Variants in VOPP1 observed in about 807,000 individuals in gnomAD.
VOPP1 encodes WW domain binding protein VOPP1.
VOPP1 carries 8 observed loss-of-function variants against 23.5 expected under a neutral mutation model. The ratio of observed to expected loss-of-function variants is 0.34; its 90% CI spans 0.20 to 0.61. The LOEUF (loss-of-function observed/expected upper bound fraction) is 0.61, where lower values mean the gene tolerates loss of function less well. Among genes scored for constraint, VOPP1 ranks in the 20% least tolerant of loss-of-function variants. The pLI is 0.78. For synonymous variants in VOPP1, 83 were observed against 97.3 expected (o/e 0.85, Z 0.86); for missense variants, 174 against 238.1 (o/e 0.73, Z 1.77).
intron 1 of VOPP1, among the ~76,000 whole-genome samples, chr7:55,564,392 A>T (rs543433646): frequency 2.9e-4 from 44 of 152,224 alleles, no homozygotes; most frequent in Admixed American, 2.4e-3. Flanking sequence ...AAACACCAAG[A>T]GAATGAGGCC....
At chr7:55,459,506 G>A (rs113161072) in intron 4 of VOPP1, among the ~76,000 whole-genome samples, 1,830 of 152,128 alleles carry the variant, frequency 0.012, 13 homozygotes, top group Admixed American at 0.021. Context: ...CCACTACTGG[G>A]CTTCTCTTTG....
chr7:55,473,189 G>A (rs1002717351), intron 4 of VOPP1, 144 bp from the exon 5 acceptor site: 54 of 1,309,652 alleles, frequency 4.1e-5, no homozygotes, highest in Non-Finnish European at 5.4e-5. Flanking sequence ...CGGTGAGGGG[G>A]CACCTGGGCT....
intron 1 of VOPP1, chr7:55,538,606 T>C (rs1404920241): frequency 4.6e-6 from 7 of 1,535,726 alleles, no homozygotes; most frequent in East Asian, 2.4e-5. Context: ...AATCCATCTA[T>C]ACAAACCTGC....
intron 4 of VOPP1, among the ~76,000 whole-genome samples, chr7:55,482,246 C>T (rs1399806471): frequency 6.6e-6 from 1 of 152,008 alleles, no homozygotes; most frequent in Non-Finnish European, 1.5e-5. Flanking sequence ...TCTTCTTCCA[C>T]TGTATAACGC....
chr7:55,481,261 C>T (rs2129013076), intron 4 of VOPP1, among the ~76,000 whole-genome samples: 1 of 152,292 alleles, frequency 6.6e-6, no homozygotes, highest in African/African-American at 2.4e-5. Context: ...AGGCCAGAGC[C>T]CGCTGGGCAG....
chr7:55,571,887 G>T, intron 1 of VOPP1: 1 of 184,128 alleles, frequency 5.4e-6, no homozygotes, highest in Non-Finnish European at 1.1e-5. Context: ...CTCCGCGCCT[G>T]CGCCGCGCCC....
intron 1 of VOPP1, among the ~76,000 whole-genome samples, chr7:55,532,348 T>A (rs910618336): frequency 1.3e-5 from 2 of 152,128 alleles, no homozygotes; most frequent in African/African-American, 4.8e-5. Flanking sequence ...TGGAGAGAGG[T>A]ATTTCTGTCT....
Position 55,552,843 on chromosome 7 carries a change from G to A in VOPP1, c.54+19428C>T, listed in dbSNP as rs763865597. On this transcript the variant is annotated intron_variant, in intron 1 of 4. Transcript: ENST00000285279. The stretch of plus-strand genomic sequence containing the variant: ...GCCATGCTCAACCCAGAAAGGTGAC[G>A]GAGCACTATGGCAACACAACAGGAT... 211 of 1,424,252 alleles carry A rather than the reference G, an allele frequency of 1.5e-4. 1 individual carries two copies. The Middle Eastern group carries it at 4.7e-3, about 32-fold the overall frequency. The allele number at this position is 1,424,252 out of a possible 1,614,324, so 88.2% of individuals were successfully genotyped here. A position where few individuals can be genotyped will look rare whatever the true frequency, so the allele number is the denominator to read the frequency against.
At chr7:55,516,099 A>G in intron 2 of VOPP1, 2 of 782,320 alleles carry the variant, frequency 2.6e-6, no homozygotes, top group Non-Finnish European at 3.1e-6. Context: ...GCCACTTGCT[A>G]TTTTTAAATC....
chr7:55,567,462 A>G (rs1348938950), intron 1 of VOPP1, among the ~76,000 whole-genome samples: 1 of 152,244 alleles, frequency 6.6e-6, no homozygotes, highest in Non-Finnish European at 1.5e-5. Context: ...AGAGGACATG[A>G]TAGAGTGAGT....
chr7:55,540,932 T>C (rs887879029), intron 1 of VOPP1, among the ~76,000 whole-genome samples: 1 of 151,864 alleles, frequency 6.6e-6, no homozygotes, highest in Non-Finnish European at 1.5e-5. Flanking sequence ...GCAAAAGTAA[T>C]GAGAAAAAAA....
At chr7:55,490,132 TGAGCTGGC>T (rs994744702) in intron 4 of VOPP1, among the ~76,000 whole-genome samples, 29 of 152,186 alleles carry the variant, frequency 1.9e-4, no homozygotes, top group African/African-American at 6.5e-4. Context: ...GTGAGCCAGG[TGAGCTGGC>T]AGAGACCCTG....
At chr7:55,475,543 G>A (rs1024678441) in intron 4 of VOPP1, among the ~76,000 whole-genome samples, 12 of 152,198 alleles carry the variant, frequency 7.9e-5, no homozygotes, top group Non-Finnish European at 1.3e-4. Context: ...TAGTGACAAG[G>A]AGCGACAGGC....
chr7:55,436,367 C>T (rs1790822105), intron 4 of VOPP1, among the ~76,000 whole-genome samples: 1 of 152,090 alleles, frequency 6.6e-6, no homozygotes, highest in Admixed American at 6.5e-5. Flanking sequence ...GTAATATCTA[C>T]CTTATTTGGT....
intron 1 of VOPP1, among the ~76,000 whole-genome samples, chr7:55,569,177 C>T (rs62455002): frequency 0.21 from 31,915 of 152,126 alleles, 3,739 homozygotes; most frequent in African/African-American, 0.31. Context: ...AAGAAGCCTC[C>T]CTAGGAGAGG....
In VOPP1 at chr7:55,537,605, C is replaced by T. The variant is rs976770485; in HGVS notation, c.55-16475G>A. On this transcript the variant is annotated intron_variant, in intron 1 of 4. Coordinates refer to ENST00000285279, the MANE Select transcript of VOPP1 (RefSeq NM_030796.5). ...ACGGTCCTGTCACTGCTGGGTCACA[C>T]GCAGCCCTCCAATACGGAGCACACA... is the stretch of plus-strand genomic sequence containing the variant. The T allele has an allele frequency of 2.7e-5, 42 of 1,535,462 alleles. No homozygotes were observed. In the Admixed American group the frequency reaches 4.7e-4, roughly 17 times the overall value.
In VOPP1 at chr7:55,560,059, G is replaced by A. The variant is rs191685482; in HGVS notation, c.54+12212C>T. Among the ~76,000 whole-genome samples the A allele has an allele frequency of 4.5e-3, 686 of 152,284 alleles. 3 individuals are homozygous for A. Among genetic ancestry groups the A allele is most frequent in the Non-Finnish European group, 6.9e-3 (470 of 68,006 alleles). On this transcript the variant is annotated intron_variant, in intron 1 of 4. Coordinates refer to ENST00000285279, the MANE Select transcript of VOPP1 (RefSeq NM_030796.5). ...TCCCCGCTACTTGGGAGGCTGAGGC[G>A]GGAGAATCACTTGAACCTGGGAGGC...
At chr7:55,449,286 A>G (rs953063231) in intron 4 of VOPP1, among the ~76,000 whole-genome samples, 23 of 152,110 alleles carry the variant, frequency 1.5e-4, no homozygotes, top group Non-Finnish European at 1.0e-4. Flanking sequence ...CTTCTCCCGG[A>G]TGGACCGGGA....
intron 2 of VOPP1, among the ~76,000 whole-genome samples, chr7:55,508,066 G>C (rs368366391): frequency 5.3e-5 from 8 of 152,116 alleles, no homozygotes; most frequent in East Asian, 1.9e-4. Flanking sequence ...TTCTACCATG[G>C]GAGAAAGCAT....
Sources: allele counts gnomAD v4.1 joint callset (sites outside exome capture counted in the v4.1 genomes callset), GRCh38; gene constraint gnomAD v4.1.1; transcripts MANE v1.5; gene names NCBI Gene and HGNC (gene_info 2026-07-23, HGNC 2026-07-21).